The following OSBP2 variants were observed in gnomAD, a reference collection of about 807,000 sequenced individuals.
OSBP2 encodes the protein oxysterol binding protein 2.
Under a neutral mutation model 96.0 loss-of-function variants are expected in OSBP2, and 66 were observed. The ratio of observed to expected loss-of-function variants is 0.69; its 90% confidence interval spans 0.56 to 0.84. The LOEUF is 0.84. Among genes scored for constraint, OSBP2 ranks in the 40% least tolerant of loss-of-function variants. The pLI is 0.00. For synonymous variants in OSBP2, 525 were observed against 520.9 expected (o/e 1.01, Z -0.11); for missense variants, 1,038 against 1,222.7 (o/e 0.85, Z 2.25).
chr22:30,803,994 C>A (rs1005520889), intron 2 of OSBP2, among the ~76,000 whole-genome samples: 1 of 152,196 alleles, frequency 6.6e-6, no homozygotes, highest in East Asian at 1.9e-4. Context: ...ACAGCTGCCC[C>A]CCTTCTGCCT....
intron 2 of OSBP2, among the ~76,000 whole-genome samples, chr22:30,856,136 A>G (rs1051483291): frequency 2.0e-5 from 3 of 152,120 alleles, no homozygotes; most frequent in African/African-American, 7.2e-5. Flanking sequence ...TGAGGTGGGC[A>G]GGTGGCCCCC....
chr22:30,870,311 C>T lies in OSBP2; in HGVS notation c.854-118C>T, dbSNP rs1167864477. 28 of 1,059,222 alleles carry T rather than the reference C, an allele frequency of 2.6e-5. No individual in the cohort carries two copies. The highest frequency in any genetic ancestry group is 3.7e-5 in the Non-Finnish European group (27 of 726,588). The allele number at this position is 1,059,222 out of a possible 1,614,324, so 65.6% of individuals were successfully genotyped here. A position where few individuals can be genotyped will look rare whatever the true frequency, so the allele number is the denominator to read the frequency against. Reference sequence around the variant, plus strand: ...CCAGGAACAGGAACGGGCACCATCTCGGGGACTGATGTTTTTTGAATGGCG... The same window carrying T: ...CCAGGAACAGGAACGGGCACCATCTTGGGGACTGATGTTTTTTGAATGGCG... On this transcript the variant is annotated intron_variant, in intron 2 of 13. Transcript: ENST00000332585. The surrounding 1 kb of genome is among the most constrained non-coding windows in gnomAD (Gnocchi z 4.1).
At chr22:30,888,783 C>T (rs2039875471) in intron 5 of OSBP2, among the ~76,000 whole-genome samples, 1 of 152,110 alleles carries the variant, frequency 6.6e-6, no homozygotes, top group Non-Finnish European at 1.5e-5. Context: ...TTGTGTGAGC[C>T]TCATAGAGTA....
intron 2 of OSBP2, chr22:30,822,816 A>C: frequency 2.1e-6 from 2 of 946,020 alleles, no homozygotes; most frequent in South Asian, 2.4e-5. Context: ...CTCTGATGTC[A>C]CTCCCTCGCG....
In OSBP2 at chr22:30,871,337, A is replaced by G. The variant is rs114276883; in HGVS notation, c.1107+655A>G. On this transcript the variant is annotated intron_variant, in intron 3 of 13. Transcript: ENST00000332585. This position sits in a 1 kb window ranked among gnomAD's most constrained non-coding sequence, Gnocchi z 4.7. The stretch of plus-strand genomic sequence containing the variant: ...AGGGTGTCTCGATGGTGGTAGGAGG[A>G]TAGTGCTTGGCCCTGCTTCCCTCTT... Among the ~76,000 whole-genome samples the G allele has an allele frequency of 8.4e-3, 1,271 of 152,142 alleles. 21 individuals carry two copies. The highest frequency in any genetic ancestry group is 0.03 in the African/African-American group (1,225 of 41,518).
At chr22:30,874,741 C>T (rs1001388570) in intron 3 of OSBP2, among the ~76,000 whole-genome samples, 1 of 152,248 alleles carries the variant, frequency 6.6e-6, no homozygotes, top group Non-Finnish European at 1.5e-5. Flanking sequence ...TTTCAACCCC[C>T]CACGCCTTTA....
At chr22:30,875,573 T>C (rs2039561720) in intron 3 of OSBP2, among the ~76,000 whole-genome samples, 1 of 152,256 alleles carries the variant, frequency 6.6e-6, no homozygotes, top group East Asian at 1.9e-4. Context: ...CGTTTCTCCA[T>C]GTTGGTCAGG....
intron 1 of OSBP2, among the ~76,000 whole-genome samples, chr22:30,721,096 G>A (rs962343680): frequency 5.9e-5 from 9 of 152,060 alleles, no homozygotes; most frequent in Non-Finnish European, 1.0e-4. Context: ...ACATGGTGGC[G>A]GGTGCCTGTA....
At chr22:30,784,563 A>G (rs1040330946) in intron 2 of OSBP2, among the ~76,000 whole-genome samples, 6 of 151,966 alleles carry the variant, frequency 3.9e-5, no homozygotes, top group Admixed American at 2.6e-4. Context: ...CCAGTTGACA[A>G]GTATGCTTTT....
chr22:30,791,513 GAC>G (rs1421607613), intron 2 of OSBP2, among the ~76,000 whole-genome samples: 2 of 150,898 alleles, frequency 1.3e-5, no homozygotes, highest in East Asian at 3.9e-4. Context: ...TTTTAGTAGA[GAC>G]ACAGTTTCAC....
intron 2 of OSBP2, among the ~76,000 whole-genome samples, chr22:30,767,138 C>CAAAAAAAAAAAAAA (rs1156950666): frequency 3.8e-5 from 3 of 78,444 alleles, no homozygotes; most frequent in African/African-American, 9.4e-5. Context: ...ACTAAAAATA[C>CAAAAAAAAAAAAAA]AAAAAAAAAA....
At chr22:30,843,873 A>AT (rs760334311) in intron 2 of OSBP2, among the ~76,000 whole-genome samples, 3,978 of 139,584 alleles carry the variant, frequency 0.028, 123 homozygotes, top group African/African-American at 0.083. Context: ...GTCTCAAACA[A>AT]TTTTTTTTTT....
chr22:30,703,698 A>T (rs1031622758), intron 1 of OSBP2, among the ~76,000 whole-genome samples: 5 of 150,766 alleles, frequency 3.3e-5, no homozygotes, highest in African/African-American at 1.2e-4. Context: ...CTGGTCTCAA[A>T]TTCCTGACTT....
At position 30,745,284 on chromosome 22, in the gene OSBP2, A is replaced by C. The variant is rs555060347; in HGVS notation, c.853+3915A>C. On this transcript the variant is annotated intron_variant, in intron 2 of 13. Coordinates refer to ENST00000332585, the MANE Select transcript of OSBP2 (RefSeq NM_030758.4). ...AAAAAAGAAGGAAAATGAATCTGAA[A>C]TGAAAAACCAAACTTTATACCCGAA... is the stretch of plus-strand genomic sequence containing the variant. 7.9e-5 allele frequency among the ~76,000 whole-genome samples: 12 copies of C among 152,324 alleles called. No individual in the cohort carries two copies. In the South Asian group the frequency reaches 2.3e-3, roughly 29 times the overall value.
intron 3 of OSBP2, among the ~76,000 whole-genome samples, chr22:30,880,612 C>G (rs1023306824): frequency 1.3e-5 from 2 of 152,216 alleles, no homozygotes; most frequent in African/African-American, 4.8e-5. Flanking sequence ...AGACAGGGTC[C>G]TGGCTCTGCA....
At chr22:30,824,975 C>T (rs1178005530) in intron 2 of OSBP2, among the ~76,000 whole-genome samples, 7 of 152,112 alleles carry the variant, frequency 4.6e-5, no homozygotes, top group African/African-American at 9.7e-5. Flanking sequence ...TGTCTGTGCC[C>T]GTCTGTGATT....
chr22:30,729,642 T>A (rs767314971), intron 1 of OSBP2, among the ~76,000 whole-genome samples: 18 of 151,582 alleles, frequency 1.2e-4, no homozygotes, highest in Non-Finnish European at 2.4e-4. Context: ...TATCTCAAAA[T>A]ATATATATAT....
intron 3 of OSBP2, among the ~76,000 whole-genome samples, chr22:30,878,339 T>C (rs2039629139): frequency 6.6e-6 from 1 of 152,242 alleles, no homozygotes; most frequent in South Asian, 2.1e-4. Context: ...CGGGGGCCCC[T>C]TGGGCAGAGA....
rs958336941 is a variant in OSBP2, at chr22:30,789,011, C to T, written c.853+47642C>T. On this transcript the variant is annotated intron_variant, in intron 2 of 13. Coordinates refer to ENST00000332585, the MANE Select transcript of OSBP2 (RefSeq NM_030758.4). ...TACAAGCGTGAGCCACCACACCTGG[C>T]CAAACAATTTATTTTTAATAGCTTT... 1.7e-4 allele frequency among the ~76,000 whole-genome samples: 26 copies of T among 152,266 alleles called. 4 individuals are homozygous for T. Among genetic ancestry groups the T allele is most frequent in the Admixed American group, 1.5e-3 (23 of 15,288 alleles).
Sources: allele counts gnomAD v4.1 joint callset (sites outside exome capture counted in the v4.1 genomes callset), GRCh38; gene constraint gnomAD v4.1.1; non-coding constraint Gnocchi (gnomAD v3.1); transcripts MANE v1.5; gene names NCBI Gene and HGNC (gene_info 2026-07-23, HGNC 2026-07-21).